Variants in ERICH1 observed in about 807,000 individuals in gnomAD.
The protein encoded by ERICH1 is glutamate-rich protein 1.
A neutral mutation model predicts 39.6 loss-of-function variants in ERICH1; 56 were observed. That is an observed-to-expected ratio of 1.41 (90% CI 1.14 to 1.77). The LOEUF (loss-of-function observed/expected upper bound fraction) is 1.77, where lower values mean the gene tolerates loss of function less well. Ranked by LOEUF, ERICH1 falls within the 40% of genes most tolerant of loss-of-function variation. The probability of loss-of-function intolerance (pLI) is 0.00; values close to 1 mark genes in which losing one functional copy is unlikely to be tolerated. For missense variants in ERICH1, 826 were observed against 575.4 expected, an observed-to-expected ratio of 1.44 and a Z score of -4.45; for synonymous variants, 313 against 223.6, an observed-to-expected ratio of 1.40 and a Z score of -3.57.
chr8:690,706 C>T (rs903462091), intron 3 of ERICH1, among the ~76,000 whole-genome samples: 2 of 152,266 alleles, frequency 1.3e-5, no homozygotes, highest in East Asian at 1.9e-4. Flanking sequence ...GCGCAAGGTC[C>T]TGAGTGTGAA....
chr8:638,404 C>T (rs921706088), intron 3 of ERICH1, among the ~76,000 whole-genome samples: 1 of 152,132 alleles, frequency 6.6e-6, no homozygotes, highest in Non-Finnish European at 1.5e-5. Context: ...ATACAGCTTC[C>T]GTTACAGTGC....
chr8:706,474 A>C (rs1437681187), intron 2 of ERICH1, among the ~76,000 whole-genome samples: 1 of 152,174 alleles, frequency 6.6e-6, no homozygotes, highest in African/African-American at 2.4e-5. Flanking sequence ...CTGGAAGGAA[A>C]AATATAAAAA....
chr8:688,146 G>T lies in ERICH1; in HGVS notation c.304+4332C>A, dbSNP rs1052469218. On this transcript the variant is annotated intron_variant, in intron 3 of 5. Coordinates refer to ENST00000262109, the MANE Select transcript of ERICH1 (RefSeq NM_207332.3). ...GGAGGGAGGGTCTGCAACCCAGGCG[G>T]GGCAAGTGCGCCCTCAAGGCCGTGG... Among the ~76,000 whole-genome samples the T allele has an allele frequency of 2.6e-5, 4 of 152,292 alleles. No individual in the cohort carries two copies. The East Asian group carries it at 5.8e-4, about 22-fold the overall frequency.
intron 1 of ERICH1, among the ~76,000 whole-genome samples, chr8:722,093 A>G (rs1467964143): frequency 2.6e-5 from 4 of 152,136 alleles, no homozygotes; most frequent in Non-Finnish European, 4.4e-5. Context: ...GGCTGGTTCC[A>G]TTCTCCTTCC....
At chr8:643,894 C>A (rs1242294401) in intron 3 of ERICH1, among the ~76,000 whole-genome samples, 1 of 152,226 alleles carries the variant, frequency 6.6e-6, no homozygotes, top group Non-Finnish European at 1.5e-5. Context: ...AAAAAGGAGG[C>A]ACGGACTCAG....
intron 2 of ERICH1, among the ~76,000 whole-genome samples, chr8:701,838 T>C (rs1812219164): frequency 6.6e-6 from 1 of 152,008 alleles, no homozygotes; most frequent in Admixed American, 6.6e-5. Flanking sequence ...ACGCATGTAA[T>C]CCCAGCACTT....
chr8:621,167 A>C, intron 3 of ERICH1, among the ~76,000 whole-genome samples: 1 of 138,896 alleles, frequency 7.2e-6, no homozygotes, highest in East Asian at 2.2e-4. Context: ...ACTCCTAAAT[A>C]ACTAATGGAT....
rs7831026 is a variant in ERICH1, at chr8:720,163, G to A, written c.23-4156C>T. Among the ~76,000 whole-genome samples, 566 of 152,322 alleles carry A rather than the reference G, an allele frequency of 3.7e-3. 7 individuals are homozygous for A. Among genetic ancestry groups the A allele is most frequent in the African/African-American group, 0.012 (504 of 41,568 alleles). On this transcript the variant is annotated intron_variant, in intron 1 of 5. Transcript: ENST00000262109. The stretch of plus-strand genomic sequence containing the variant: ...CACAAAAGAGGACTTGGAGGAAGAG[G>A]AATGTCCTGGACACCCTCAAAGACA...
intron 3 of ERICH1, chr8:656,659 G>C: frequency 1.2e-6 from 1 of 812,034 alleles, no homozygotes; most frequent in South Asian, 5.6e-5. Context: ...GTGGAATTTT[G>C]GGGCTTACTT....
chr8:718,304 G>A (rs1816502998), intron 1 of ERICH1, among the ~76,000 whole-genome samples: 1 of 152,118 alleles, frequency 6.6e-6, no homozygotes, highest in Admixed American at 6.5e-5. Context: ...CTGGCCCCAG[G>A]TCACGGTCTT....
At chr8:650,710 G>C (rs1799838876) in intron 3 of ERICH1, among the ~76,000 whole-genome samples, 2 of 152,192 alleles carry the variant, frequency 1.3e-5, no homozygotes, top group South Asian at 4.1e-4. Context: ...CCCTGAAGAG[G>C]GTGCAGCCAC....
At chr8:627,174 T>C (rs1205870571) in intron 3 of ERICH1, 3 of 456,172 alleles carry the variant, frequency 6.6e-6, no homozygotes, top group African/African-American at 6.0e-5. Flanking sequence ...AGCTCACATG[T>C]AGCCACTGAT....
chr8:681,747 A>G (rs6993207), intron 3 of ERICH1, among the ~76,000 whole-genome samples: 2,100 of 152,230 alleles, frequency 0.014, 72 homozygotes, highest in African/African-American at 0.048. Flanking sequence ...CAGAAGCCGC[A>G]CTTACATCTG....
At chr8:626,710 G>C (rs886143752) in intron 3 of ERICH1, 1 of 173,284 alleles carries the variant, frequency 5.8e-6, no homozygotes, top group Non-Finnish European at 1.3e-5. Flanking sequence ...TCCAGCTGGC[G>C]TCTGTCTCTC....
At chr8:625,983 T>C (rs1338325142) in intron 3 of ERICH1, 1 of 152,276 alleles carries the variant, frequency 6.6e-6, no homozygotes. Flanking sequence ...CAAAGGATAT[T>C]ATTTTTATTC....
At chr8:711,583 C>G (rs1042469052) in intron 2 of ERICH1, among the ~76,000 whole-genome samples, 1 of 151,924 alleles carries the variant, frequency 6.6e-6, no homozygotes. Context: ...ACTGCAACCT[C>G]TGCTCCTGGG....
At chr8:721,264 A>G (rs1817246147) in intron 1 of ERICH1, among the ~76,000 whole-genome samples, 1 of 152,274 alleles carries the variant, frequency 6.6e-6, no homozygotes, top group South Asian at 2.1e-4. Flanking sequence ...TTTAAAAAAT[A>G]TAATTTTAAC....
intron 3 of ERICH1, among the ~76,000 whole-genome samples, chr8:675,037 C>T (rs1165699669): frequency 1.3e-5 from 2 of 152,228 alleles, no homozygotes; most frequent in African/African-American, 2.4e-5. Flanking sequence ...TGGCTTGAAA[C>T]GGGCGGCTGG....
chr8:621,987 T>C (rs962168104), intron 3 of ERICH1, among the ~76,000 whole-genome samples: 3 of 152,112 alleles, frequency 2.0e-5, no homozygotes, highest in East Asian at 3.9e-4. Flanking sequence ...GGCCAAGGCA[T>C]GACGATCCCT....
Sources: allele counts gnomAD v4.1 joint callset (sites outside exome capture counted in the v4.1 genomes callset), GRCh38; gene constraint gnomAD v4.1.1; transcripts MANE v1.5; gene names NCBI Gene and HGNC (gene_info 2026-07-23, HGNC 2026-07-21).